The following ZNG1B variants were observed in gnomAD, a reference collection of about 807,000 sequenced individuals.
The protein encoded by ZNG1B is zinc-regulated GTPase metalloprotein activator 1B.
chr2:113,473,669 C>T, the ZNG1B span, among the ~76,000 whole-genome samples: 1 of 147,840 alleles, frequency 6.8e-6, no homozygotes, highest in African/African-American at 2.5e-5. Context: ...CCATCAATAC[C>T]TAATTTATTG....
chr2:113,465,168 A>G, the ZNG1B span: 1 of 582,154 alleles, frequency 1.7e-6, no homozygotes, highest in Non-Finnish European at 3.0e-6. Flanking sequence ...AAACACAAAG[A>G]TCAAGGTACT....
At chr2:113,493,308 C>T in the ZNG1B span, among the ~76,000 whole-genome samples, 1 of 131,330 alleles carries the variant, frequency 7.6e-6, no homozygotes, top group South Asian at 2.7e-4. Context: ...TTATTTTCCC[C>T]AATTTATAAA....
the ZNG1B span, among the ~76,000 whole-genome samples, chr2:113,440,201 C>T: frequency 1.3e-5 from 2 of 152,114 alleles, no homozygotes; most frequent in Non-Finnish European, 2.9e-5. Context: ...TATTTCTAAG[C>T]TCTATGAAGG....
chr2:113,463,290 T>C, the ZNG1B span, among the ~76,000 whole-genome samples: 1 of 152,192 alleles, frequency 6.6e-6, no homozygotes, highest in Admixed American at 6.5e-5. Flanking sequence ...AGACATTCGG[T>C]AGCTATTATT....
the ZNG1B span, among the ~76,000 whole-genome samples, chr2:113,472,943 G>C: frequency 6.6e-6 from 1 of 150,800 alleles, no homozygotes; most frequent in Non-Finnish European, 1.5e-5. Context: ...TTGTTCTTTT[G>C]GCTTAGGATT....
the ZNG1B span, among the ~76,000 whole-genome samples, chr2:113,483,122 A>G: frequency 6.6e-6 from 1 of 152,278 alleles, no homozygotes; most frequent in Admixed American, 6.5e-5. Flanking sequence ...AAAACAAAAA[A>G]CCCAGTTCTT....
chr2:113,477,495 G>A, the ZNG1B span, among the ~76,000 whole-genome samples: 1 of 152,158 alleles, frequency 6.6e-6, no homozygotes, highest in African/African-American at 2.4e-5. Context: ...CTCTCACGCT[G>A]GGAGCTGTAG....
At chr2:113,489,388 G>T in the ZNG1B span, among the ~76,000 whole-genome samples, 2 of 152,106 alleles carry the variant, frequency 1.3e-5, no homozygotes, top group Non-Finnish European at 2.9e-5. Flanking sequence ...TAGCAAAACA[G>T]AACCTCTTTA....
At chr2:113,478,942 G>T in the ZNG1B span, among the ~76,000 whole-genome samples, 1 of 151,678 alleles carries the variant, frequency 6.6e-6, no homozygotes, top group East Asian at 2.0e-4. Context: ...TATTCAAGAA[G>T]TTGTCTTCAG....
At chr2:113,453,042 A>G in the ZNG1B span, 1 of 1,458,564 alleles carries the variant, frequency 6.9e-7, no homozygotes, top group South Asian at 1.3e-5. Context: ...ATATGTGTTT[A>G]CCTGTTAATT....
chr2:113,483,268 G>A, the ZNG1B span, among the ~76,000 whole-genome samples: 5 of 150,878 alleles, frequency 3.3e-5, no homozygotes, highest in African/African-American at 1.2e-4. Context: ...CGTTTGGGGC[G>A]GCCAGTGTCT....
chr2:113,447,805 AG>A, the ZNG1B span: 1 of 432,794 alleles, frequency 2.3e-6, no homozygotes, highest in South Asian at 1.7e-5. Context: ...CATTAGTTAA[AG>A]TTTTCTTATG....
At chr2:113,446,800 A>G in the ZNG1B span, among the ~76,000 whole-genome samples, 1 of 151,798 alleles carries the variant, frequency 6.6e-6, no homozygotes, top group Non-Finnish European at 1.5e-5. Context: ...ACATTCATAC[A>G]CACACACACA....
the ZNG1B span, among the ~76,000 whole-genome samples, chr2:113,445,889 T>G: frequency 1.3e-5 from 2 of 151,910 alleles, no homozygotes; most frequent in Admixed American, 1.3e-4. Flanking sequence ...AAACAGGTCA[T>G]AGTTGTCCAA....
At chr2:113,445,445 C>G in the ZNG1B span, 1 of 196,424 alleles carries the variant, frequency 5.1e-6, no homozygotes, top group Non-Finnish European at 1.1e-5. Context: ...ATGTTCAAGT[C>G]CCTTACATAA....
the ZNG1B span, among the ~76,000 whole-genome samples, chr2:113,475,435 C>G: frequency 6.7e-6 from 1 of 150,254 alleles, no homozygotes; most frequent in Non-Finnish European, 1.5e-5. Flanking sequence ...GGTCTTGACT[C>G]TTTATCCAAT....
chr2:113,440,414 T>G, the ZNG1B span, among the ~76,000 whole-genome samples: 17 of 152,054 alleles, frequency 1.1e-4, no homozygotes, highest in African/African-American at 3.9e-4. Context: ...GAAACACTCA[T>G]GTTCAGGGCC....
At chr2:113,474,700 G>A in the ZNG1B span, among the ~76,000 whole-genome samples, 19 of 150,042 alleles carry the variant, frequency 1.3e-4, no homozygotes, top group East Asian at 9.7e-4. Flanking sequence ...CTTTGTTCTC[G>A]TTGGTTTCAA....
At chr2:113,450,158 T>G in the ZNG1B span, among the ~76,000 whole-genome samples, 1 of 151,484 alleles carries the variant, frequency 6.6e-6, no homozygotes, top group East Asian at 1.9e-4. Flanking sequence ...TCACTTATAA[T>G]CATTTTTCCC....
Sources: gnomAD v4.1 joint callset for allele counts (sites outside exome capture counted in the v4.1 genomes callset) on GRCh38, gnomAD v4.1.1 for gene constraint, MANE v1.5 for transcripts, NCBI Gene and HGNC (gene_info 2026-07-23, HGNC 2026-07-21) for gene names.